The following SLC13A3 variants were observed in gnomAD, a reference collection of about 807,000 sequenced individuals.
The protein encoded by SLC13A3 is solute carrier family 13 member 3, also known as Na(+)/dicarboxylate cotransporter 3.
A neutral mutation model predicts 59.0 loss-of-function variants in SLC13A3; 40 were observed. That is an observed-to-expected ratio of 0.68 (90% confidence interval 0.53 to 0.88). The LOEUF is 0.88. Ranked by LOEUF, SLC13A3 falls within the 40% of genes least tolerant of loss-of-function variation. SLC13A3 has a pLI of 0.00. For synonymous variants in SLC13A3, 317 were observed against 330.3 expected, an observed-to-expected ratio of 0.96 and a Z score of 0.44; for missense variants, 699 against 783.2, an observed-to-expected ratio of 0.89 and a Z score of 1.28.
upstream of SLC13A3, chr20:46,651,493 G>C (rs964608503): frequency 7.4e-7 from 1 of 1,356,496 alleles, no homozygotes; most frequent in African/African-American, 1.5e-5. Context: ...CTTAAAGCCT[G>C]GGGGAGGGTC....
chr20:46,676,282 T>C (rs562179984), intron 1 of SLC13A3, among the ~76,000 whole-genome samples: 22 of 151,952 alleles, frequency 1.4e-4, no homozygotes, highest in Non-Finnish European at 2.8e-4. Context: ...TCATGAAATT[T>C]TACAAACCCA....
chr20:46,626,127 C>CTG (rs1243085105), intron 1 of SLC13A3, among the ~76,000 whole-genome samples: 5 of 148,418 alleles, frequency 3.4e-5, no homozygotes, highest in African/African-American at 1.3e-4. Flanking sequence ...CTCTCTGTCT[C>CTG]TCTCTCTCTC....
chr20:46,584,619 CAACA>C, intron 8 of SLC13A3: 2 of 490,874 alleles, frequency 4.1e-6, no homozygotes, highest in Non-Finnish European at 5.3e-6. Flanking sequence ...ATTCATTTGC[CAACA>C]GGCAAGACTT....
intron 1 of SLC13A3, among the ~76,000 whole-genome samples, chr20:46,631,366 G>T (rs2062734368): frequency 1.3e-5 from 2 of 152,178 alleles, no homozygotes; most frequent in African/African-American, 4.8e-5. Context: ...TGGAGGAAGT[G>T]GTTGTCCCAA....
At chr20:46,677,579 G>T (rs576684379) in intron 1 of SLC13A3, among the ~76,000 whole-genome samples, 1 of 152,262 alleles carries the variant, frequency 6.6e-6, no homozygotes, top group East Asian at 1.9e-4. Context: ...TTGTGATGGG[G>T]GCAGAGACTA....
At chr20:46,672,382 C>T (rs1215127167), upstream of SLC13A3, among the ~76,000 whole-genome samples, 1 of 152,214 alleles carries the variant, frequency 6.6e-6, no homozygotes, top group Non-Finnish European at 1.5e-5. Context: ...ATTTTGGAAT[C>T]ATCTATTCAT....
chr20:46,656,105 ATAT>A (rs2062987788), upstream of SLC13A3, among the ~76,000 whole-genome samples: 2 of 143,812 alleles, frequency 1.4e-5, no homozygotes, highest in Non-Finnish European at 3.0e-5. Context: ...TGTACAGTCT[ATAT>A]TATACTGTAT....
At chr20:46,655,290 T>C (rs1030354544), upstream of SLC13A3, among the ~76,000 whole-genome samples, 4 of 150,878 alleles carry the variant, frequency 2.7e-5, no homozygotes, top group African/African-American at 9.7e-5. Flanking sequence ...TATACACATA[T>C]ATACACATAT....
chr20:46,651,624 T>C (rs976062135), upstream of SLC13A3, among the ~76,000 whole-genome samples: 2 of 152,232 alleles, frequency 1.3e-5, no homozygotes, highest in African/African-American at 4.8e-5. Context: ...AGTTAGGCAC[T>C]AGAATTAGCA....
Position 46,563,513 on chromosome 20 carries a change from A to C in SLC13A3, c.1533T>G (p.Ile511Met), listed in dbSNP as rs147452159. The C allele has an allele frequency of 1.9e-5, 31 of 1,613,934 alleles. No individual in the cohort carries two copies. The African/African-American group carries it at 3.9e-4, about 20-fold the overall frequency. The change falls in exon 12 of 13, where the codon ATT becomes ATG. Residue 511 changes from isoleucine to methionine, a missense_variant. Physicochemically the swap from Ile to Met is conservative, Grantham distance 10. Coordinates refer to ENST00000279027, the MANE Select transcript of SLC13A3 (RefSeq NM_022829.6). ...RLRVHPLYLM[I>M]PGTVGCSFAF... is the part of the protein sequence containing the mutation. The stretch of plus-strand genomic sequence containing the variant: ...CAAAGGAGCAGCCGACTGTGCCCGG[A>C]ATCATCAGATACAGGGGGTGCACTC...
intron 3 of SLC13A3, among the ~76,000 whole-genome samples, chr20:46,602,006 G>A (rs1308988790): frequency 3.9e-5 from 6 of 152,142 alleles, no homozygotes; most frequent in Non-Finnish European, 1.5e-5. Context: ...TTTGAGCAGA[G>A]GAGGCTCAGG....
At chr20:46,671,062 G>T (rs2063088494), upstream of SLC13A3, among the ~76,000 whole-genome samples, 1 of 152,158 alleles carries the variant, frequency 6.6e-6, no homozygotes, top group Non-Finnish European at 1.5e-5. Context: ...GGAATGCACT[G>T]CCCAGTGCCC....
At chr20:46,608,159 G>A (rs532222962) in intron 3 of SLC13A3, among the ~76,000 whole-genome samples, 1 of 152,252 alleles carries the variant, frequency 6.6e-6, no homozygotes, top group South Asian at 2.1e-4. Context: ...ACAATATGCA[G>A]CCCCAATCCA....
intron 8 of SLC13A3, chr20:46,585,407 T>G: frequency 1.0e-6 from 1 of 995,434 alleles, no homozygotes; most frequent in Non-Finnish European, 1.2e-6. Context: ...CTTTTGAAAT[T>G]CAATACAAAA....
At chr20:46,643,079 A>C (rs1197625371) in intron 1 of SLC13A3, among the ~76,000 whole-genome samples, 3 of 152,074 alleles carry the variant, frequency 2.0e-5, no homozygotes, top group Non-Finnish European at 2.9e-5. Flanking sequence ...CTTATTCGAG[A>C]CATACTTATG....
upstream of SLC13A3, among the ~76,000 whole-genome samples, chr20:46,670,848 C>T (rs1162143223): frequency 6.6e-6 from 1 of 152,106 alleles, no homozygotes; most frequent in Non-Finnish European, 1.5e-5. Context: ...AAGGTACACA[C>T]TAAGGATGGA....
At chr20:46,591,287 C>T (rs545042509) in intron 6 of SLC13A3, among the ~76,000 whole-genome samples, 106 of 152,292 alleles carry the variant, frequency 7.0e-4, no homozygotes, top group Non-Finnish European at 1.1e-3. Context: ...TGGAAGGTTA[C>T]ACAAGAAACC....
At chr20:46,658,248 TA>T (rs199660452) in intron 1 of SLC13A3, among the ~76,000 whole-genome samples, 7 of 151,484 alleles carry the variant, frequency 4.6e-5, no homozygotes, top group South Asian at 2.1e-4. Flanking sequence ...AAGCTGAACA[TA>T]AAAAAAACTA....
At chr20:46,639,059 C>T (rs921267684) in intron 1 of SLC13A3, among the ~76,000 whole-genome samples, 1 of 152,144 alleles carries the variant, frequency 6.6e-6, no homozygotes, top group African/African-American at 2.4e-5. Context: ...CTACAAACAT[C>T]ATCTATTATT....
Sources: gnomAD v4.1 joint callset for allele counts (sites outside exome capture counted in the v4.1 genomes callset) on GRCh38, gnomAD v4.1.1 for gene constraint, MANE v1.5 for transcripts, NCBI Gene and HGNC (gene_info 2026-07-23, HGNC 2026-07-21) for gene names.